The following ABCA13 variants were observed in gnomAD, a reference collection of about 807,000 sequenced individuals.
The protein encoded by ABCA13 is ATP-binding cassette sub-family A member 13.
A neutral mutation model predicts 478.7 loss-of-function variants in ABCA13; 476 were observed. The observed-to-expected ratio is 0.99, with a 90% CI of 0.92 to 1.07. ABCA13 has a LOEUF of 1.07. Among genes scored for constraint, ABCA13 ranks in the 50% least tolerant of loss-of-function variants. The pLI, the probability that ABCA13 is intolerant of heterozygous loss-of-function variation, is 0.00. For missense variants in ABCA13, 6,060 were observed against 5,910.6 expected (o/e 1.03, Z -0.83); for synonymous variants, 2,252 against 2,158.9 (o/e 1.04, Z -1.20).
At chr7:48,588,660 G>A (rs907787153) in intron 57 of ABCA13, among the ~76,000 whole-genome samples, 3 of 152,172 alleles carry the variant, frequency 2.0e-5, no homozygotes, top group Non-Finnish European at 2.9e-5. Flanking sequence ...TGATAATAGT[G>A]TCTGTCTCAT....
chr7:48,572,412 G>A (rs1344687042), intron 55 of ABCA13, among the ~76,000 whole-genome samples: 3 of 151,926 alleles, frequency 2.0e-5, no homozygotes, highest in African/African-American at 7.2e-5. Context: ...TCAAACATCT[G>A]GGCTCACATA....
At chr7:48,581,043 G>A (rs1788656910) in intron 56 of ABCA13, among the ~76,000 whole-genome samples, 1 of 152,174 alleles carries the variant, frequency 6.6e-6, no homozygotes, top group Non-Finnish European at 1.5e-5. Flanking sequence ...AGCTCAGGAT[G>A]TTGTACCGTG....
At chr7:48,392,180 C>A (rs750053356) in intron 38 of ABCA13, 41 bp downstream of exon 38, 1 of 1,573,402 alleles carries the variant, frequency 6.4e-7, no homozygotes, top group South Asian at 1.1e-5. Flanking sequence ...TGCCTCTGCC[C>A]ATTGTGTAAG....
chr7:48,545,068 C>A (rs1784699838), intron 55 of ABCA13, among the ~76,000 whole-genome samples: 1 of 151,798 alleles, frequency 6.6e-6, no homozygotes, highest in Non-Finnish European at 1.5e-5. Context: ...ACTTTCATTC[C>A]AGAGTAATTG....
At chr7:48,263,088 G>T (rs1015469387) in intron 15 of ABCA13, among the ~76,000 whole-genome samples, 7 of 151,854 alleles carry the variant, frequency 4.6e-5, no homozygotes, top group African/African-American at 1.7e-4. Context: ...GCTACTCAAA[G>T]TGTGATCCCT....
chr7:48,350,728 C>T lies in ABCA13; in HGVS notation c.10290C>T (p.Cys3430=), dbSNP rs371675186. Residue 3430 remains cysteine (C), a synonymous_variant, in exon 30 of 62, where the codon TGC becomes TGT. Coordinates refer to ENST00000435803, the MANE Select transcript of ABCA13 (RefSeq NM_152701.5). ...GCATCTTGGTCAATCTCTCTTCCTG[C>T]GTGGCACTGAACCGTTTCCAGGCTC... ...LGSILVNLSS[C]VALNRFQALQ... is the part of the protein sequence containing the mutation. 384 of 1,613,796 alleles carry T rather than the reference C, an allele frequency of 2.4e-4. No individual in the cohort carries two copies. Among genetic ancestry groups the T allele is most frequent in the Middle Eastern group, 1.2e-3 (7 of 6,082 alleles).
At chr7:48,201,746 A>G (rs1191586744) in intron 3 of ABCA13, among the ~76,000 whole-genome samples, 1 of 152,158 alleles carries the variant, frequency 6.6e-6, no homozygotes, top group Non-Finnish European at 1.5e-5. Context: ...GAAGGCAAAT[A>G]TCACAGTTAA....
In ABCA13 at chr7:48,276,290, C is replaced by A. The variant is rs1215766026; in HGVS notation, c.6624C>A (p.Ile2208=). The A allele has an allele frequency of 3.8e-6, 6 of 1,561,514 alleles. No individual in the cohort carries two copies. In the Admixed American group the frequency reaches 5.8e-5, roughly 15 times the overall value. The change falls in exon 17 of 62, where the codon ATC becomes ATA. Residue 2208 remains isoleucine, a synonymous_variant. Coordinates refer to ENST00000435803, the MANE Select transcript of ABCA13 (RefSeq NM_152701.5). ...TTGTTCAGCTGCTTTTTGAAAACAT[C>A]CTAATTAATTTGATCAATAACTTAG... ...FSVVQLLFEN[I]LINLINNLAG...
intron 56 of ABCA13, among the ~76,000 whole-genome samples, chr7:48,586,835 C>G (rs929492219): frequency 6.6e-6 from 1 of 152,136 alleles, no homozygotes; most frequent in Non-Finnish European, 1.5e-5. Context: ...TTGGCATACC[C>G]TTCTCTGCTC....
intron 46 of ABCA13, among the ~76,000 whole-genome samples, chr7:48,482,038 A>G (rs942374015): frequency 2.6e-5 from 4 of 152,170 alleles, no homozygotes; most frequent in East Asian, 1.9e-4. Flanking sequence ...ATAATAGTTA[A>G]CATTATATTT....
Position 48,520,248 on chromosome 7 carries a change from C to G in ABCA13, c.14005C>G (p.Leu4669Val), listed in dbSNP as rs748573546. ...VQLASQGTVLLLLRVLLHWDL... is the reference protein window; with the variant it reads ...VQLASQGTVLVLLRVLLHWDL... The stretch of plus-strand genomic sequence containing the variant: ...ACTGGCCTCGCAGGGCACAGTACTT[C>G]TCCTCTTGAGGGTTCTGCTACACTG... Residue 4669 changes from leucine to valine, a missense_variant, in exon 53 of 62, where the codon CTC becomes GTC. By Grantham distance (32) the Leu-to-Val change is conservative. This residue lies in a region of ABCA13 where 1,627 missense variants were observed against 1,571.0 expected (regional missense o/e 1.04). Transcript: ENST00000435803. The G allele has an allele frequency of 3.1e-6, 5 of 1,613,336 alleles. No homozygotes were observed. In the African/African-American group the frequency reaches 6.7e-5, roughly 22 times the overall value.
chr7:48,338,268 T>C, intron 28 of ABCA13, 97 bp from the exon 29 acceptor site: 2 of 882,360 alleles, frequency 2.3e-6, no homozygotes, highest in South Asian at 3.0e-5. Context: ...ATGTGCCTTG[T>C]TCCTTTGTAA....
chr7:48,321,768 G>A (rs931149054), intron 27 of ABCA13, among the ~76,000 whole-genome samples: 5 of 152,142 alleles, frequency 3.3e-5, no homozygotes, highest in Admixed American at 2.0e-4. Flanking sequence ...AGCAGGAGCC[G>A]AGGTGAGAAG....
intron 8 of ABCA13, 152 bp downstream of exon 8, chr7:48,234,303 C>T: frequency 2.1e-6 from 2 of 940,026 alleles, no homozygotes; most frequent in Non-Finnish European, 3.4e-6. Context: ...CAGAAGAGAC[C>T]CCTACTGTCT....
chr7:48,508,151 A>G, intron 50 of ABCA13, 102 bp downstream of exon 50: 1 of 1,445,216 alleles, frequency 6.9e-7, no homozygotes, highest in Non-Finnish European at 9.5e-7. Flanking sequence ...GCTGCCTTGG[A>G]GTGTCCACAA....
At chr7:48,479,297 G>GCA (rs1162913232) in intron 45 of ABCA13, among the ~76,000 whole-genome samples, 1 of 151,834 alleles carries the variant, frequency 6.6e-6, no homozygotes, top group Non-Finnish European at 1.5e-5. Flanking sequence ...GAGTGCAGTG[G>GCA]TGCCATCTTG....
At chr7:48,528,042 A>G (rs997210209) in intron 54 of ABCA13, among the ~76,000 whole-genome samples, 194 bp from the exon 55 acceptor site, 1 of 152,130 alleles carries the variant, frequency 6.6e-6, no homozygotes, top group Non-Finnish European at 1.5e-5. Flanking sequence ...TTTTGAGAGG[A>G]CTTTGTAATC....
intron 51 of ABCA13, among the ~76,000 whole-genome samples, chr7:48,516,355 C>A (rs1439342448): frequency 6.6e-6 from 1 of 152,136 alleles, no homozygotes; most frequent in Non-Finnish European, 1.5e-5. Context: ...TCCCCTTTGT[C>A]CTGCATATCC....
At chr7:48,454,908 A>C in intron 42 of ABCA13, 129 bp from the exon 43 acceptor site, 1 of 1,296,414 alleles carries the variant, frequency 7.7e-7, no homozygotes, top group Admixed American at 3.0e-5. Flanking sequence ...GGGAGTCCTC[A>C]TGGGGTGGGC....
Sources: gnomAD v4.1 joint callset for allele counts (sites outside exome capture counted in the v4.1 genomes callset) on GRCh38, gnomAD v4.1.1 for gene constraint, gnomAD v4.1.1 regional missense constraint, MANE v1.5 for transcripts, NCBI Gene and HGNC (gene_info 2026-07-23, HGNC 2026-07-21) for gene names.